The following TACC1 variants were observed in gnomAD, a reference collection of about 807,000 sequenced individuals.
TACC1 encodes transforming acidic coiled-coil-containing protein 1.
A neutral mutation model predicts 84.4 loss-of-function variants in TACC1; 48 were observed. That is an observed-to-expected ratio of 0.57 (90% CI 0.45 to 0.72). The LOEUF is 0.72. TACC1 is among the 30% of genes least tolerant of loss of function. The pLI is 0.00. For synonymous variants in TACC1, 372 were observed against 376.3 expected (o/e 0.99, Z 0.13); for missense variants, 920 against 973.0 (o/e 0.95, Z 0.72).
At chr8:38,781,843 A>G (rs1361075675) in intron 3 of TACC1, among the ~76,000 whole-genome samples, 1 of 152,096 alleles carries the variant, frequency 6.6e-6, no homozygotes, top group Admixed American at 6.6e-5. Flanking sequence ...ACATAGAGGA[A>G]GTTTCAGATG....
At position 38,787,283 on chromosome 8, in the gene TACC1, G is replaced by T; in HGVS notation, c.-300G>T. The T allele has an allele frequency of 7.3e-6, 8 of 1,096,128 alleles. No homozygotes were observed. The highest frequency in any genetic ancestry group is 8.9e-6 in the Non-Finnish European group (8 of 901,400). The allele number at this position is 1,096,128 out of a possible 1,614,324, so 67.9% of individuals were successfully genotyped here. On this transcript the variant is annotated 5_prime_UTR_variant, in exon 1 of 13. Transcript: ENST00000317827. Reference sequence around the variant, plus strand: ...AGCAGCAGAGGTCTAGCAGCCGGGCGCCGCGGGCCGGGGGCCTGAGGAGGC... The same window carrying T: ...AGCAGCAGAGGTCTAGCAGCCGGGCTCCGCGGGCCGGGGGCCTGAGGAGGC...
At chr8:38,769,932 G>C (rs1451956508) in intron 3 of TACC1, among the ~76,000 whole-genome samples, 1 of 151,180 alleles carries the variant, frequency 6.6e-6, no homozygotes, top group East Asian at 1.9e-4. Flanking sequence ...TGTGGTGTGT[G>C]TGACTGTGTG....
intron 2 of TACC1, among the ~76,000 whole-genome samples, chr8:38,796,436 G>A (rs1287826954): frequency 1.3e-5 from 2 of 152,186 alleles, no homozygotes; most frequent in East Asian, 1.9e-4. Context: ...GGAAAGCATC[G>A]TCTTAAGTAT....
At chr8:38,839,352 G>A (rs1285538334) in intron 8 of TACC1, 7 of 395,398 alleles carry the variant, frequency 1.8e-5, no homozygotes, top group Non-Finnish European at 2.7e-5. Context: ...GCCATGAAAT[G>A]ACTAAAGATG....
In TACC1 at chr8:38,852,551, T is replaced by C. The variant is rs1449005142; in HGVS notation, c.*4528T>C. The C allele has an allele frequency of 6.5e-6, 1 of 152,716 alleles. No homozygotes were observed. Among genetic ancestry groups the C allele is most frequent in the Non-Finnish European group, 1.5e-5 (1 of 68,094 alleles). The allele number at this position is 152,716 out of a possible 1,614,324, so 9.5% of individuals were successfully genotyped here. On this transcript the variant is annotated 3_prime_UTR_variant, in exon 13 of 13. Transcript: ENST00000317827. ...GAATTTTCAGATGGACATGTACAAA[T>C]TTGAACTCAAACCATCCCCAGTCCA...
chr8:38,785,598 TAA>T (rs1816984491), upstream of TACC1: 1 of 693,012 alleles, frequency 1.4e-6, no homozygotes, highest in African/African-American at 1.9e-5. Flanking sequence ...AATGAAAAGA[TAA>T]GAGAACTATT....
chr8:38,806,693 T>G (rs1403896275), intron 2 of TACC1, among the ~76,000 whole-genome samples: 4 of 152,170 alleles, frequency 2.6e-5, no homozygotes, highest in Non-Finnish European at 5.9e-5. Context: ...TACTGCTCAG[T>G]AGACTGTGTT....
rs1819702972 is a variant in TACC1 at position 38,795,272 on chromosome 8, A to C, written c.277+6453A>C. On this transcript the variant is annotated intron_variant, in intron 2 of 12. Transcript: ENST00000317827. ...GTGTCTGAATAAAAAATTCCAGGGCAGGGAAGCAAAGTCTACCTGCAGAAA... is the reference window on the plus strand; with the variant it reads ...GTGTCTGAATAAAAAATTCCAGGGCCGGGAAGCAAAGTCTACCTGCAGAAA... 1.3e-5 allele frequency among the ~76,000 whole-genome samples: 2 copies of C among 152,252 alleles called. 1 individual carries two copies. The highest frequency in any genetic ancestry group is 2.9e-5 in the Non-Finnish European group (2 of 68,038).
intron 3 of TACC1, among the ~76,000 whole-genome samples, chr8:38,760,741 C>T (rs891067629): frequency 2.1e-4 from 32 of 152,084 alleles, no homozygotes; most frequent in African/African-American, 7.0e-4. Context: ...AGGCTGGTCT[C>T]GAACTCCTGA....
At chr8:38,821,827 A>C (rs1276986108) in intron 3 of TACC1, among the ~76,000 whole-genome samples, 1 of 152,208 alleles carries the variant, frequency 6.6e-6, no homozygotes, top group African/African-American at 2.4e-5. Flanking sequence ...AACATCGTCA[A>C]GTGAACTTAC....
intron 9 of TACC1, among the ~76,000 whole-genome samples, chr8:38,841,637 G>A (rs923559420): frequency 1.3e-5 from 2 of 152,160 alleles, no homozygotes; most frequent in African/African-American, 2.4e-5. Flanking sequence ...ACTGTAGTTA[G>A]GTTCATTTTA....
intron 1 of TACC1, among the ~76,000 whole-genome samples, chr8:38,736,452 C>CA (rs141044084): frequency 0.015 from 2,222 of 151,752 alleles, 65 homozygotes; most frequent in African/African-American, 0.051. Context: ...CCTGTCTCTA[C>CA]AAAAAATAAA....
chr8:38,836,220 GC>G lies in TACC1; in HGVS notation c.1777del (p.Leu593TrpfsTer17). 1 of 1,613,250 alleles carries G rather than the reference GC, an allele frequency of 6.2e-7. No homozygotes were observed. On this transcript the variant is annotated frameshift_variant, in exon 7 of 13. Coordinates refer to ENST00000317827, the MANE Select transcript of TACC1 (RefSeq NM_006283.3). LOFTEE classifies it high-confidence loss of function. ...GTGTCGGTGTCCTGTGGAGGTGAGA[GC>G]CCCCTGGATGGGATCTGCCTCAGCG... ...APVSVSCGGE[S>X]PLDGICLSES...
chr8:38,846,902 G>A (rs1445167288), intron 12 of TACC1, 83 bp downstream of exon 12: 2 of 1,521,592 alleles, frequency 1.3e-6, no homozygotes, highest in Non-Finnish European at 1.8e-6. Flanking sequence ...GACAGATCTG[G>A]GTGAAAGAGG....
intron 6 of TACC1, 106 bp from the exon 7 acceptor site, chr8:38,836,056 T>G: frequency 6.9e-7 from 1 of 1,444,230 alleles, no homozygotes; most frequent in Non-Finnish European, 9.3e-7. Context: ...TCTTTAAACA[T>G]GGTTTTAAAG....
At chr8:38,842,484 C>T (rs760081042) in intron 10 of TACC1, 37 bp downstream of exon 10, 1 of 1,567,996 alleles carries the variant, frequency 6.4e-7, no homozygotes, top group South Asian at 1.2e-5. Context: ...TGGTGTATTT[C>T]CAGTAGTGTA....
chr8:38,840,041 A>G, intron 8 of TACC1, 183 bp from the exon 9 acceptor site: 1 of 382,842 alleles, frequency 2.6e-6, no homozygotes, highest in South Asian at 4.5e-5. Context: ...TTAGAACCTT[A>G]AGAAACCTTA....
chr8:38,772,335 T>C (rs921834734), intron 3 of TACC1, among the ~76,000 whole-genome samples: 2 of 152,256 alleles, frequency 1.3e-5, no homozygotes, highest in Non-Finnish European at 2.9e-5. Context: ...GTTTTGACAC[T>C]ACAATCTCAC....
At chr8:38,839,344 C>T in intron 8 of TACC1, 1 of 395,982 alleles carries the variant, frequency 2.5e-6, no homozygotes, top group Non-Finnish European at 4.5e-6. Flanking sequence ...AGTTATGAGC[C>T]ATGAAATGAC....
Sources: allele counts gnomAD v4.1 joint callset (sites outside exome capture counted in the v4.1 genomes callset), GRCh38; gene constraint gnomAD v4.1.1; transcripts MANE v1.5; gene names NCBI Gene and HGNC (gene_info 2026-07-23, HGNC 2026-07-21).